The following PIK3R4 variants were observed in gnomAD, a reference collection of about 807,000 sequenced individuals.
The protein encoded by PIK3R4 is phosphoinositide-3-kinase regulatory subunit 4, also known as phosphoinositide 3-kinase regulatory subunit 4.
PIK3R4 carries 46 observed loss-of-function variants against 136.5 expected under a neutral mutation model. The ratio of observed to expected loss-of-function variants is 0.34; its 90% CI spans 0.27 to 0.43. The LOEUF (loss-of-function observed/expected upper bound fraction) is 0.43, where lower values mean the gene tolerates loss of function less well. PIK3R4 is among the 20% of genes least tolerant of loss of function. The probability of loss-of-function intolerance (pLI) is 1.00; values close to 1 mark genes in which losing one functional copy is unlikely to be tolerated. For missense variants in PIK3R4, 1,331 were observed against 1,649.5 expected, an observed-to-expected ratio of 0.81 and a Z score of 3.35; for synonymous variants, 557 against 566.7, an observed-to-expected ratio of 0.98 and a Z score of 0.24.
At position 130,679,624 on chromosome 3, in the gene PIK3R4, T is replaced by C. The variant is rs12495186; in HGVS notation, c.3907-139A>G. 0.22 allele frequency: 125,492 copies of C among 563,456 alleles called. 15,487 individuals carry two copies. Among genetic ancestry groups the C allele is most frequent in the Admixed American group, 0.35 (10,764 of 30,328 alleles). 34.9% of individuals were successfully genotyped at this position (563,456 alleles called of 1,614,324 possible). A position where few individuals can be genotyped will look rare whatever the true frequency, so the allele number is the denominator to read the frequency against. ...TTGTAGTCATGCTTTCACGAATACA[T>C]TGAGCAAAAGGAGTAGAGGAGCCAA... On this transcript the variant is annotated intron_variant, in intron 19 of 19. Transcript: ENST00000356763.
At chr3:130,689,933 T>G (rs1243642695) in intron 14 of PIK3R4, among the ~76,000 whole-genome samples, 1 of 152,228 alleles carries the variant, frequency 6.6e-6, no homozygotes, top group Non-Finnish European at 1.5e-5. Flanking sequence ...GCATTTAATC[T>G]GCAAGCAACC....
chr3:130,718,612 G>GT, intron 7 of PIK3R4, 78 bp from the exon 8 acceptor site: 2 of 1,413,902 alleles, frequency 1.4e-6, no homozygotes, highest in Non-Finnish European at 2.0e-6. Flanking sequence ...ACCTTATAAC[G>GT]TAACTGACAA....
intron 7 of PIK3R4, 33 bp from the exon 8 acceptor site, chr3:130,718,567 A>C (rs777472558): frequency 6.2e-7 from 1 of 1,610,218 alleles, no homozygotes; most frequent in East Asian, 2.2e-5. Context: ...GGGATCAAAT[A>C]AGTTATTTCA....
chr3:130,733,302 T>C lies in PIK3R4; in HGVS notation c.1450+246A>G, dbSNP rs573296433. Among the ~76,000 whole-genome samples, 4 of 152,334 alleles carry C rather than the reference T, an allele frequency of 2.6e-5. No individual in the cohort carries two copies. In the South Asian group the frequency reaches 8.3e-4, roughly 32 times the overall value. ...CATTAGTCTTATTCCAAGTCGAATG[T>C]AGTATTCCTAAGAAAACCACAAAAT... is the stretch of plus-strand genomic sequence containing the variant. On this transcript the variant is annotated intron_variant, in intron 4 of 19. Coordinates refer to ENST00000356763, the MANE Select transcript of PIK3R4 (RefSeq NM_014602.3).
At chr3:130,714,815 A>G (rs1302822225) in intron 9 of PIK3R4, among the ~76,000 whole-genome samples, 3 of 152,096 alleles carry the variant, frequency 2.0e-5, no homozygotes, top group East Asian at 1.9e-4. Flanking sequence ...TCCATGGTGT[A>G]TATGTACCAC....
intron 7 of PIK3R4, among the ~76,000 whole-genome samples, chr3:130,723,099 T>TA (rs1559827922): frequency 1.2e-5 from 1 of 84,842 alleles, no homozygotes; most frequent in African/African-American, 4.9e-5. Context: ...AAAAAAAAAT[T>TA]AAAAATAAAA....
chr3:130,716,606 T>G lies in PIK3R4; in HGVS notation c.2128-7A>C, dbSNP rs1189990863. 11 of 1,589,096 alleles carry G rather than the reference T, an allele frequency of 6.9e-6. No individual in the cohort carries two copies. The East Asian group carries it at 2.2e-4, about 32-fold the overall frequency. On this transcript the variant is annotated splice_region_variant and splice_polypyrimidine_tract_variant and intron_variant, in intron 8 of 19. Coordinates refer to ENST00000356763, the MANE Select transcript of PIK3R4 (RefSeq NM_014602.3). ...GAACAAGTTTTCTTTCAATCTATAT[T>G]GGAAAAATAAAAAGGATCAGCCAAA...
chr3:130,702,455 G>A (rs1022485397), intron 13 of PIK3R4, among the ~76,000 whole-genome samples: 6 of 152,084 alleles, frequency 3.9e-5, no homozygotes, highest in Admixed American at 6.5e-5. Flanking sequence ...AGAGCTAATC[G>A]GCACAAAATC....
intron 2 of PIK3R4, among the ~76,000 whole-genome samples, chr3:130,743,684 T>C (rs1166292206): frequency 1.3e-5 from 2 of 152,142 alleles, no homozygotes; most frequent in Non-Finnish European, 2.9e-5. Flanking sequence ...CTCTTAAGCA[T>C]TACCACTTCT....
At position 130,712,439 on chromosome 3, in the gene PIK3R4, C is replaced by A. The variant is rs572489971; in HGVS notation, c.2332-3947G>T. On this transcript the variant is annotated intron_variant, in intron 9 of 19. Coordinates refer to ENST00000356763, the MANE Select transcript of PIK3R4 (RefSeq NM_014602.3). Reference sequence around the variant, plus strand: ...ATCTCAGCACTTTGGGAGGCCAAGGCGGGCGGATCACCTGAGGTTGGGAGT... The same window carrying A: ...ATCTCAGCACTTTGGGAGGCCAAGGAGGGCGGATCACCTGAGGTTGGGAGT... Among the ~76,000 whole-genome samples, 3 of 152,088 alleles carry A rather than the reference C, an allele frequency of 2.0e-5. No individual in the cohort carries two copies. In the South Asian group the frequency reaches 6.2e-4, roughly 32 times the overall value.
intron 9 of PIK3R4, 103 bp from the exon 10 acceptor site, chr3:130,708,595 C>G: frequency 2.0e-6 from 2 of 1,007,312 alleles, no homozygotes; most frequent in Non-Finnish European, 2.9e-6. Flanking sequence ...CAATTTAAAA[C>G]TGAAAAGAGA....
intron 7 of PIK3R4, among the ~76,000 whole-genome samples, chr3:130,722,645 A>G (rs1266387914): frequency 6.6e-6 from 1 of 152,138 alleles, no homozygotes; most frequent in East Asian, 1.9e-4. Context: ...TTAACTGGTA[A>G]TCAATGCAGT....
chr3:130,696,377 T>C (rs1040789666), intron 13 of PIK3R4, among the ~76,000 whole-genome samples: 2 of 152,120 alleles, frequency 1.3e-5, no homozygotes, highest in African/African-American at 2.4e-5. Context: ...ATCTTTCTTC[T>C]TTTTTAATAT....
chr3:130,742,510 G>A (rs115637359), intron 2 of PIK3R4, among the ~76,000 whole-genome samples: 2,951 of 152,222 alleles, frequency 0.019, 94 homozygotes, highest in African/African-American at 0.067. Context: ...GAACTTTGAT[G>A]GATTACATTT....
At chr3:130,715,572 T>G (rs1178437464) in intron 9 of PIK3R4, among the ~76,000 whole-genome samples, 1 of 152,188 alleles carries the variant, frequency 6.6e-6, no homozygotes, top group Non-Finnish European at 1.5e-5. Flanking sequence ...TTGAAAAGTG[T>G]CTATTCATAT....
intron 15 of PIK3R4, 115 bp from the exon 16 acceptor site, chr3:130,684,496 C>T (rs934678747): frequency 1.7e-5 from 16 of 939,964 alleles, no homozygotes; most frequent in Non-Finnish European, 2.2e-5. Context: ...AAAATGCCTT[C>T]GTTACTTAAA....
chr3:130,698,449 A>AC (rs1385060848), intron 13 of PIK3R4, among the ~76,000 whole-genome samples: 3 of 151,844 alleles, frequency 2.0e-5, no homozygotes, highest in Non-Finnish European at 1.5e-5. Context: ...AAATTCTCTG[A>AC]TTTTTTGCTC....
In PIK3R4 at chr3:130,684,584, A is replaced by G. The variant is rs576834437; in HGVS notation, c.3476-203T>C. Reference sequence around the variant, plus strand: ...TGGTTGATAAATAACTGAGATATAAAGTGCTTATCATAATGCTACTACTAA... The same window carrying G: ...TGGTTGATAAATAACTGAGATATAAGGTGCTTATCATAATGCTACTACTAA... On this transcript the variant is annotated intron_variant, in intron 15 of 19. Transcript: ENST00000356763. 3.3e-5 allele frequency among the ~76,000 whole-genome samples: 5 copies of G among 152,354 alleles called. 1 individual carries two copies. The East Asian group carries it at 7.7e-4, about 23-fold the overall frequency.
At chr3:130,691,790 A>G (rs1044942649) in intron 13 of PIK3R4, among the ~76,000 whole-genome samples, 38 of 151,742 alleles carry the variant, frequency 2.5e-4, no homozygotes, top group Admixed American at 1.6e-3. Context: ...TTTTCTATAC[A>G]TATTACAATA....
Sources: gnomAD v4.1 joint callset for allele counts (sites outside exome capture counted in the v4.1 genomes callset) on GRCh38, gnomAD v4.1.1 for gene constraint, MANE v1.5 for transcripts, NCBI Gene and HGNC (gene_info 2026-07-23, HGNC 2026-07-21) for gene names.